Variants in INSL6 observed in about 807,000 individuals in gnomAD.
The protein encoded by INSL6 is insulin-like peptide INSL6.
A neutral mutation model predicts 9.4 loss-of-function variants in INSL6; 16 were observed. The observed-to-expected ratio is 1.70, with a 90% CI of 1.15 to 2.59. The LOEUF is 2.59. INSL6 is among the 30% of genes most tolerant of loss of function. The probability of loss-of-function intolerance (pLI) is 0.00; values close to 1 mark genes in which losing one functional copy is unlikely to be tolerated. For synonymous variants in INSL6, 154 were observed against 96.9 expected, an observed-to-expected ratio of 1.59 and a Z score of -3.46; for missense variants, 391 against 257.3, an observed-to-expected ratio of 1.52 and a Z score of -3.56.
chr9:5,080,475 A>C, the INSL6 span: 1 of 1,542,660 alleles, frequency 6.5e-7, no homozygotes, highest in Non-Finnish European at 8.8e-7. Flanking sequence ...TAATTTTAAA[A>C]AGAAGGTTGG....
intron 1 of INSL6, among the ~76,000 whole-genome samples, chr9:5,181,906 AAAGTT>A (rs1269858780): frequency 6.6e-6 from 1 of 152,218 alleles, no homozygotes; most frequent in Non-Finnish European, 1.5e-5. Context: ...TACACTGGTA[AAAGTT>A]AATAACTGTA....
At chr9:5,052,069 G>A in the INSL6 span, among the ~76,000 whole-genome samples, 8 of 152,036 alleles carry the variant, frequency 5.3e-5, no homozygotes, top group African/African-American at 1.7e-4. Context: ...CTTAGATGTC[G>A]TTACATAGAA....
At chr9:5,118,636 T>C in the INSL6 span, among the ~76,000 whole-genome samples, 2 of 152,238 alleles carry the variant, frequency 1.3e-5, no homozygotes, top group South Asian at 4.1e-4. Context: ...ATAAATTCTG[T>C]GTTCATTTTG....
At chr9:5,175,751 T>G (rs1024327913) in intron 1 of INSL6, among the ~76,000 whole-genome samples, 2 of 152,132 alleles carry the variant, frequency 1.3e-5, no homozygotes, top group Non-Finnish European at 2.9e-5. Flanking sequence ...GGGATCTAGG[T>G]TGCACGCTCC....
chr9:5,052,689 T>A, the INSL6 span, among the ~76,000 whole-genome samples: 1 of 152,086 alleles, frequency 6.6e-6, no homozygotes. Flanking sequence ...TATCTTTTTG[T>A]TTGCGTGGAT....
the INSL6 span, chr9:5,081,937 A>C: frequency 8.3e-7 from 1 of 1,200,878 alleles, no homozygotes; most frequent in Non-Finnish European, 1.2e-6. Flanking sequence ...TCTAAAGTTC[A>C]CTTTCTACAA....
chr9:5,088,787 C>T, the INSL6 span, among the ~76,000 whole-genome samples: 1 of 152,190 alleles, frequency 6.6e-6, no homozygotes, highest in Non-Finnish European at 1.5e-5. Flanking sequence ...AGAGATTGCT[C>T]TAATGTCTCT....
At chr9:5,031,432 A>T in the INSL6 span, among the ~76,000 whole-genome samples, 1 of 152,250 alleles carries the variant, frequency 6.6e-6, no homozygotes, top group East Asian at 1.9e-4. Context: ...ATATAGAAAC[A>T]TAATAATATG....
chr9:5,057,661 T>C, the INSL6 span, among the ~76,000 whole-genome samples: 2 of 149,990 alleles, frequency 1.3e-5, no homozygotes, highest in African/African-American at 2.5e-5. Flanking sequence ...TGGCTCACTG[T>C]AACCTGTGCC....
the INSL6 span, chr9:5,110,973 C>CT: frequency 1.6e-6 from 1 of 617,870 alleles, no homozygotes; most frequent in Non-Finnish European, 3.0e-6. Context: ...GTAACCTGGA[C>CT]TTCAGCATGA....
At chr9:4,998,733 A>G in the INSL6 span, among the ~76,000 whole-genome samples, 1 of 138,754 alleles carries the variant, frequency 7.2e-6, no homozygotes, top group Non-Finnish European at 1.6e-5. Flanking sequence ...ACCAAAAACC[A>G]CAAAAAACAA....
At chr9:5,041,383 G>A in the INSL6 span, 3 of 628,770 alleles carry the variant, frequency 4.8e-6, no homozygotes, top group East Asian at 8.9e-5. Flanking sequence ...TGGGCAAGGA[G>A]CAGAGCCACT....
the INSL6 span, chr9:5,111,461 T>C: frequency 2.6e-6 from 1 of 384,842 alleles, no homozygotes; most frequent in African/African-American, 2.1e-5. Flanking sequence ...ATCCTCGGCG[T>C]ACCTGCCCAG....
At chr9:5,063,341 A>G in the INSL6 span, among the ~76,000 whole-genome samples, 2 of 152,218 alleles carry the variant, frequency 1.3e-5, no homozygotes, top group African/African-American at 4.8e-5. Context: ...CCTGTCATAT[A>G]TGATAGCATT....
the INSL6 span, among the ~76,000 whole-genome samples, chr9:5,071,510 C>T: frequency 6.6e-6 from 1 of 151,946 alleles, no homozygotes; most frequent in African/African-American, 2.4e-5. Context: ...TGATAAATAT[C>T]CTCATTGACA....
intron 1 of INSL6, among the ~76,000 whole-genome samples, chr9:5,167,230 T>A (rs1004428293): frequency 1.3e-5 from 2 of 152,194 alleles, no homozygotes; most frequent in Non-Finnish European, 2.9e-5. Flanking sequence ...ACCATGCTTT[T>A]ACCATGAATC....
chr9:5,072,365 A>G, the INSL6 span: 1 of 605,652 alleles, frequency 1.7e-6, no homozygotes, highest in South Asian at 3.4e-5. Context: ...TTAAATCTGG[A>G]TTTAGATTCT....
chr9:5,073,229 TCA>T, the INSL6 span, among the ~76,000 whole-genome samples: 3 of 152,226 alleles, frequency 2.0e-5, no homozygotes, highest in African/African-American at 4.8e-5. Context: ...GGGGTTCTAG[TCA>T]CAGTTTAGTT....
chr9:5,062,502 A>T, the INSL6 span, among the ~76,000 whole-genome samples: 2 of 91,506 alleles, frequency 2.2e-5, no homozygotes, highest in Non-Finnish European at 4.9e-5. Flanking sequence ...TCCATTTGTA[A>T]AAAAAAAAAA....
Sources: allele counts gnomAD v4.1 joint callset (sites outside exome capture counted in the v4.1 genomes callset), GRCh38; gene constraint gnomAD v4.1.1; transcripts MANE v1.5; gene names NCBI Gene and HGNC (gene_info 2026-07-23, HGNC 2026-07-21).